The following DACH2 variants were observed in gnomAD, a reference collection of about 807,000 sequenced individuals.
The protein encoded by DACH2 is dachshund family transcription factor 2.
Under a neutral mutation model 35.8 loss-of-function variants are expected in DACH2, and 17 were observed. That is an observed-to-expected ratio of 0.48 (90% CI 0.33 to 0.71). The LOEUF is 0.71. Ranked by LOEUF, DACH2 falls within the 30% of genes least tolerant of loss-of-function variation. The pLI is 0.02. For missense variants in DACH2, 469 were observed against 472.7 expected (o/e 0.99, Z 0.07); for synonymous variants, 195 against 177.3 (o/e 1.10, Z -0.79).
At chrX:86,502,511 C>T (rs2038266242) in intron 2 of DACH2, among the ~76,000 whole-genome samples, 1 of 112,117 alleles carries the variant, frequency 8.9e-6, no homozygotes, top group South Asian at 3.7e-4. Flanking sequence ...TGAAGACTGG[C>T]TTTTAAATTC....
intron 3 of DACH2, among the ~76,000 whole-genome samples, chrX:86,556,777 TATATATATATATATATATAGAGAGAG>T (rs1478829904): frequency 1.6e-5 from 1 of 63,771 alleles, no homozygotes; most frequent in African/African-American, 6.3e-5. Flanking sequence ...TATATATATA[TATATATATATATATATATAGAGAGAG>T]AGAGAGAGAG....
At chrX:86,762,789 C>T (rs2041896088) in intron 7 of DACH2, among the ~76,000 whole-genome samples, 1 of 111,815 alleles carries the variant, frequency 8.9e-6, no homozygotes, top group Non-Finnish European at 1.9e-5. Context: ...TATCCATCCC[C>T]TCAATCATTT....
At chrX:86,330,784 T>C (rs1235681070) in intron 1 of DACH2, among the ~76,000 whole-genome samples, 1 of 111,664 alleles carries the variant, frequency 9.0e-6, no homozygotes, top group Non-Finnish European at 1.9e-5. Context: ...CTTCTTACAA[T>C]ACTTTTAGAC....
At chrX:86,149,958 C>T (rs1221175875) in intron 1 of DACH2, among the ~76,000 whole-genome samples, 1 of 111,505 alleles carries the variant, frequency 9.0e-6, no homozygotes, top group Non-Finnish European at 1.9e-5. Flanking sequence ...TTGGAAGGAT[C>T]CCATTCCCTT....
At chrX:86,673,306 C>A (rs775896228) in intron 4 of DACH2, among the ~76,000 whole-genome samples, 1 of 91,556 alleles carries the variant, frequency 1.1e-5, no homozygotes, top group African/African-American at 4.2e-5. Flanking sequence ...CACTGCATTC[C>A]AGTCTGGGGA....
At chrX:86,305,920 C>T (rs1226779724) in intron 1 of DACH2, among the ~76,000 whole-genome samples, 1 of 111,632 alleles carries the variant, frequency 9.0e-6, no homozygotes, top group Non-Finnish European at 1.9e-5. Context: ...GTTAGAATGG[C>T]TATCGTCAAA....
At chrX:86,454,479 A>T (rs2148201424) in intron 2 of DACH2, among the ~76,000 whole-genome samples, 1 of 111,935 alleles carries the variant, frequency 8.9e-6, no homozygotes, top group East Asian at 2.8e-4. Flanking sequence ...ATTTCTTGTC[A>T]TTCTTTATTT....
At chrX:86,711,216 A>C (rs1372197534) in intron 5 of DACH2, among the ~76,000 whole-genome samples, 1 of 110,214 alleles carries the variant, frequency 9.1e-6, no homozygotes, top group Non-Finnish European at 1.9e-5. Context: ...TCTGTACTAA[A>C]AATAAAAAAA....
intron 2 of DACH2, among the ~76,000 whole-genome samples, chrX:86,503,820 T>C (rs368210330): frequency 8.9e-6 from 1 of 111,930 alleles, no homozygotes; most frequent in East Asian, 2.8e-4. Context: ...CATTGGAAAC[T>C]AGAAGGAAAT....
intron 1 of DACH2, chrX:86,160,623 G>A (rs2030719665): frequency 2.0e-6 from 1 of 497,243 alleles, no homozygotes; most frequent in East Asian, 3.6e-5. Context: ...TTCATTGGTG[G>A]GCCATTTTTG....
intron 1 of DACH2, among the ~76,000 whole-genome samples, chrX:86,185,125 G>A (rs1208130353): frequency 9.0e-6 from 1 of 111,440 alleles, no homozygotes; most frequent in Non-Finnish European, 1.9e-5. Context: ...AAAGGACTTA[G>A]TGGAACAGGA....
intron 2 of DACH2, among the ~76,000 whole-genome samples, chrX:86,382,085 T>A (rs763699031): frequency 3.1e-4 from 34 of 110,782 alleles, no homozygotes; most frequent in Non-Finnish European, 9.5e-5. Context: ...TACACGTAAC[T>A]ACTTAAAGCA....
chrX:86,616,196 A>T (rs1354213888), intron 3 of DACH2, among the ~76,000 whole-genome samples: 2 of 111,296 alleles, frequency 1.8e-5, no homozygotes, highest in African/African-American at 6.5e-5. Context: ...GGTTTATTCC[A>T]TGTCTTTGTT....
At chrX:86,687,734 C>T (rs2040963005) in intron 4 of DACH2, among the ~76,000 whole-genome samples, 1 of 111,247 alleles carries the variant, frequency 9.0e-6, no homozygotes, top group South Asian at 3.8e-4. Context: ...GAGTTCATGT[C>T]CTTTGCAGGG....
intron 3 of DACH2, among the ~76,000 whole-genome samples, chrX:86,570,503 C>G (rs1469164913): frequency 1.8e-5 from 2 of 111,260 alleles, no homozygotes; most frequent in African/African-American, 6.5e-5. Flanking sequence ...AAACGAAATA[C>G]CACCTGTTCT....
chrX:86,445,525 A>G (rs1462272215), intron 2 of DACH2, among the ~76,000 whole-genome samples: 4 of 68,657 alleles, frequency 5.8e-5, no homozygotes, highest in African/African-American at 3.6e-4. Context: ...AAAAAAAAAG[A>G]AAAAAAAGAA....
chrX:86,488,227 G>A (rs1353708908), intron 2 of DACH2, among the ~76,000 whole-genome samples: 2 of 111,213 alleles, frequency 1.8e-5, no homozygotes, highest in Non-Finnish European at 3.8e-5. Flanking sequence ...TCATTGTTAT[G>A]GAAAGAACCA....
intron 2 of DACH2, among the ~76,000 whole-genome samples, chrX:86,387,646 T>G (rs139118840): frequency 2.9e-3 from 325 of 112,080 alleles, no homozygotes; most frequent in African/African-American, 0.01. Context: ...AAATGCATAA[T>G]TCAATGCAAA....
intron 1 of DACH2, among the ~76,000 whole-genome samples, chrX:86,257,704 G>C (rs2033548806): frequency 8.9e-6 from 1 of 111,910 alleles, no homozygotes; most frequent in African/African-American, 3.2e-5. Flanking sequence ...CACCACACCT[G>C]GCCTACAACT....
Sources: gnomAD v4.1 joint callset for allele counts (sites outside exome capture counted in the v4.1 genomes callset) on GRCh38, gnomAD v4.1.1 for gene constraint, MANE v1.5 for transcripts, NCBI Gene and HGNC (gene_info 2026-07-23, HGNC 2026-07-21) for gene names.